The following ARMH4 variants were observed in gnomAD, a reference collection of about 807,000 sequenced individuals.
The protein encoded by ARMH4 is armadillo-like helical domain-containing protein 4.
Under a neutral mutation model 61.9 loss-of-function variants are expected in ARMH4, and 49 were observed. That is an observed-to-expected ratio of 0.79 (90% CI 0.63 to 1.00). ARMH4 has a LOEUF of 1.00. Among genes scored for constraint, ARMH4 ranks in the 50% least tolerant of loss-of-function variants. The pLI is 0.00. For missense variants in ARMH4, 934 were observed against 930.0 expected (o/e 1.00, Z -0.06); for synonymous variants, 368 against 341.5 (o/e 1.08, Z -0.85).
chr14:58,066,437 G>A (rs1383147605), intron 5 of ARMH4, among the ~76,000 whole-genome samples: 1 of 152,164 alleles, frequency 6.6e-6, no homozygotes, highest in Non-Finnish European at 1.5e-5. Context: ...TTGCTTCATA[G>A]GTACAGGGTT....
intron 5 of ARMH4, among the ~76,000 whole-genome samples, chr14:58,022,116 T>A (rs529820803): frequency 3.7e-4 from 57 of 152,324 alleles, no homozygotes; most frequent in African/African-American, 1.3e-3. Flanking sequence ...CTAGAGGCTC[T>A]AGGAGAGAAT....
In ARMH4 at chr14:58,000,785, G is replaced by T. The variant is rs1214181850; in HGVS notation, c.*3951C>A. On this transcript the variant is annotated 3_prime_UTR_variant, in exon 8 of 8. Transcript: ENST00000267485. ...ATTTTTTGTATTTTTAGTAGAGATG[G>T]GGTTTCACCATGTTAGCCAGGATGG... The T allele has an allele frequency of 2.6e-5, 4 of 151,900 alleles. No individual in the cohort carries two copies. The highest frequency in any genetic ancestry group is 5.9e-5 in the Non-Finnish European group (4 of 68,014). 9.4% of individuals were successfully genotyped at this position (151,900 alleles called of 1,614,324 possible). A position where few individuals can be genotyped will look rare whatever the true frequency, so the allele number is the denominator to read the frequency against.
At chr14:58,029,294 C>T (rs1043484190) in intron 5 of ARMH4, among the ~76,000 whole-genome samples, 6 of 151,736 alleles carry the variant, frequency 4.0e-5, no homozygotes, top group African/African-American at 9.7e-5. Context: ...AGTGCAATGG[C>T]GCAATCTCGG....
intron 5 of ARMH4, among the ~76,000 whole-genome samples, chr14:58,050,425 C>A (rs770402993): frequency 1.5e-4 from 23 of 152,194 alleles, no homozygotes; most frequent in Admixed American, 2.6e-4. Context: ...TCTACCCATT[C>A]GACCTGGTGA....
At chr14:58,137,524 G>C (rs768068083) in intron 2 of ARMH4, among the ~76,000 whole-genome samples, 3 of 151,944 alleles carry the variant, frequency 2.0e-5, no homozygotes, top group African/African-American at 7.3e-5. Context: ...TCAGCCTCCC[G>C]AGTAGCTGGG....
At chr14:58,097,262 T>C (rs1594754702) in intron 4 of ARMH4, among the ~76,000 whole-genome samples, 1 of 152,224 alleles carries the variant, frequency 6.6e-6, no homozygotes, top group East Asian at 1.9e-4. Flanking sequence ...TAAAGTTATT[T>C]ATATTTACAA....
chr14:58,079,286 C>T (rs149670369), intron 5 of ARMH4, among the ~76,000 whole-genome samples: 2 of 152,302 alleles, frequency 1.3e-5, no homozygotes, highest in African/African-American at 4.8e-5. Context: ...GGGAAGTACA[C>T]AAGCATGGTA....
At chr14:58,066,463 GA>G (rs1566564658) in intron 5 of ARMH4, among the ~76,000 whole-genome samples, 1 of 152,176 alleles carries the variant, frequency 6.6e-6, no homozygotes, top group East Asian at 1.9e-4. Context: ...TTGGGGTGAT[GA>G]AATTGTCTTG....
intron 4 of ARMH4, among the ~76,000 whole-genome samples, chr14:58,100,369 G>T (rs947178332): frequency 3.3e-5 from 5 of 152,210 alleles, no homozygotes; most frequent in Non-Finnish European, 5.9e-5. Context: ...TAAGATGGTT[G>T]TGAGTTTTTC....
rs1404721432 is a variant in ARMH4, at chr14:58,039,634, A to G, written c.2090-27484T>C. Among the ~76,000 whole-genome samples the G allele has an allele frequency of 7.2e-5, 11 of 152,342 alleles. No homozygotes were observed. The East Asian group carries it at 1.9e-3, about 27-fold the overall frequency. The stretch of plus-strand genomic sequence containing the variant: ...AGCAGTGGCTCATTAAGGAGCCTGG[A>G]GTAAAAGAACAGGGCTGAGACACAC... On this transcript the variant is annotated intron_variant, in intron 5 of 7. Coordinates refer to ENST00000267485, the MANE Select transcript of ARMH4 (RefSeq NM_001001872.4).
chr14:58,122,688 G>T (rs1886766852), intron 4 of ARMH4, among the ~76,000 whole-genome samples: 1 of 152,142 alleles, frequency 6.6e-6, no homozygotes, highest in African/African-American at 2.4e-5. Context: ...TCTGGAAAAG[G>T]GAAAAGCTGG....
intron 5 of ARMH4, among the ~76,000 whole-genome samples, chr14:58,058,601 G>A (rs1047725501): frequency 6.6e-6 from 1 of 152,078 alleles, no homozygotes; most frequent in Non-Finnish European, 1.5e-5. Flanking sequence ...AAACTGTCAC[G>A]GCACTGGTGG....
At chr14:58,049,352 C>G (rs1028958273) in intron 5 of ARMH4, among the ~76,000 whole-genome samples, 1 of 152,030 alleles carries the variant, frequency 6.6e-6, no homozygotes, top group African/African-American at 2.4e-5. Flanking sequence ...ATCATAGATT[C>G]TCAATTGCAC....
chr14:58,123,507 C>G (rs1226377379), intron 4 of ARMH4, among the ~76,000 whole-genome samples: 1 of 152,110 alleles, frequency 6.6e-6, no homozygotes, highest in Non-Finnish European at 1.5e-5. Context: ...ACCCAGCAGA[C>G]AGTGGAGGTT....
At chr14:58,120,581 T>C (rs1051332015) in intron 4 of ARMH4, among the ~76,000 whole-genome samples, 3 of 152,150 alleles carry the variant, frequency 2.0e-5, no homozygotes, top group African/African-American at 7.2e-5. Context: ...CCATGGCCCA[T>C]GACACAGCCC....
Position 58,075,409 on chromosome 14 carries a change from G to A in ARMH4, c.2089+21315C>T, listed in dbSNP as rs1381405517. 2.6e-5 allele frequency among the ~76,000 whole-genome samples: 4 copies of A among 152,170 alleles called. No individual in the cohort carries two copies. In the East Asian group the frequency reaches 7.7e-4, roughly 29 times the overall value. ...GAAAATATGGCACATATACACCATG[G>A]AATACTATGCAGCCATAAAAAGGAT... On this transcript the variant is annotated intron_variant, in intron 5 of 7. Coordinates refer to ENST00000267485, the MANE Select transcript of ARMH4 (RefSeq NM_001001872.4).
At chr14:58,067,498 T>G (rs1347956192) in intron 5 of ARMH4, among the ~76,000 whole-genome samples, 1 of 152,136 alleles carries the variant, frequency 6.6e-6, no homozygotes, top group Non-Finnish European at 1.5e-5. Context: ...GAGGGATTTA[T>G]GAGAATCTGT....
intron 4 of ARMH4, among the ~76,000 whole-genome samples, chr14:58,123,139 C>T (rs556249553): frequency 2.0e-5 from 3 of 152,272 alleles, no homozygotes; most frequent in East Asian, 1.9e-4. Flanking sequence ...TCTTTTCACA[C>T]GCTTTTCTAA....
chr14:58,126,034 C>G (rs551759873), intron 4 of ARMH4, among the ~76,000 whole-genome samples: 1 of 152,124 alleles, frequency 6.6e-6, no homozygotes, highest in African/African-American at 2.4e-5. Context: ...GGGGGAGGGA[C>G]AATGATCGGG....
Sources: gnomAD v4.1 joint callset for allele counts (sites outside exome capture counted in the v4.1 genomes callset) on GRCh38, gnomAD v4.1.1 for gene constraint, MANE v1.5 for transcripts, NCBI Gene and HGNC (gene_info 2026-07-23, HGNC 2026-07-21) for gene names.